The following DNAJC21 variants were observed in gnomAD, a reference collection of about 807,000 sequenced individuals.
The protein encoded by DNAJC21 is dnaJ homolog subfamily C member 21.
In DNAJC21, 63 loss-of-function variants were observed where a neutral mutation model predicts 72.4. The ratio of observed to expected loss-of-function variants is 0.87; its 90% CI spans 0.71 to 1.07. The LOEUF is 1.07. Among genes scored for constraint, DNAJC21 ranks in the 50% least tolerant of loss-of-function variants. The pLI is 0.00. For synonymous variants in DNAJC21, 203 were observed against 216.7 expected (o/e 0.94, Z 0.56); for missense variants, 634 against 644.8 (o/e 0.98, Z 0.18).
chr5:34,950,948 A>G (rs1765344274), intron 10 of DNAJC21: 1 of 983,672 alleles, frequency 1.0e-6, no homozygotes, highest in Non-Finnish European at 1.2e-6. Context: ...ATCATTTCTT[A>G]TTTCTTGAGG....
At chr5:34,952,108 G>A in intron 10 of DNAJC21, 4 of 982,078 alleles carry the variant, frequency 4.1e-6, no homozygotes, top group Non-Finnish European at 4.8e-6. Context: ...CTACTGAGAA[G>A]TGTTTTTTTA....
chr5:34,943,381 C>T lies in DNAJC21; in HGVS notation c.984-1486C>T, dbSNP rs75025714. Among the ~76,000 whole-genome samples the T allele has an allele frequency of 2.4e-3, 366 of 152,176 alleles. 2 individuals are homozygous for T. The highest frequency in any genetic ancestry group is 8.5e-3 in the African/African-American group (353 of 41,510). ...ATGATTAGATTCAGGTTATGCAGCC[C>T]CAGGAGGGACGCCGCACAAGCATGT... On this transcript the variant is annotated intron_variant, in intron 7 of 11. Coordinates refer to ENST00000648817, the MANE Select transcript of DNAJC21 (RefSeq NM_001012339.3).
chr5:34,935,747 T>A lies in DNAJC21; in HGVS notation c.229T>A (p.Phe77Ile). The A allele has an allele frequency of 1.2e-6, 2 of 1,614,036 alleles. No individual in the cohort carries two copies. Among genetic ancestry groups the A allele is most frequent in the South Asian group, 1.1e-5 (1 of 91,078 alleles). ...NHREALLKGG[F>I]DGEYQDDSLD... ...TAGAGAGGCCCTACTTAAAGGTGGG[T>A]TTGATGGCGAATATCAAGATGACAG... Residue 77 changes from phenylalanine to isoleucine, a missense_variant, in exon 3 of 12, where the codon TTT becomes ATT. Phe to Ile is a conservative substitution (Grantham distance 21). Transcript: ENST00000648817.
rs1475987231 is a variant in DNAJC21, at chr5:34,956,135, C to CTTTCCATA, written c.*1423_*1430dup. 5.9e-5 allele frequency: 9 copies of CTTTCCATA among 151,320 alleles called. No homozygotes were observed. The East Asian group carries it at 1.8e-3, about 29-fold the overall frequency. 9.4% of individuals were successfully genotyped at this position (151,320 alleles called of 1,614,324 possible). On this transcript the variant is annotated 3_prime_UTR_variant, in exon 12 of 12. Transcript: ENST00000648817. ...TGCTTTCTGTACAATGAAGTTATTG[C>CTTTCCATA]TTTCCATATATCCTTGAATCTTCAG...
Position 34,954,862 on chromosome 5 carries a change from G to T in DNAJC21, c.*148G>T. The T allele has an allele frequency of 1.1e-6, 1 of 941,902 alleles. No individual in the cohort carries two copies. Among genetic ancestry groups the T allele is most frequent in the Admixed American group, 3.7e-5 (1 of 27,144 alleles). 58.3% of individuals were successfully genotyped at this position (941,902 alleles called of 1,614,324 possible). On this transcript the variant is annotated 3_prime_UTR_variant, in exon 12 of 12. Coordinates refer to ENST00000648817, the MANE Select transcript of DNAJC21 (RefSeq NM_001012339.3). ...TTTATCTTGTAAAAACACTTTTTTG[G>T]TTTAATATATATTTTTAAAACATTT... is the stretch of plus-strand genomic sequence containing the variant.
At chr5:34,933,975 T>C in intron 2 of DNAJC21, 67 bp downstream of exon 2, 1 of 1,441,624 alleles carries the variant, frequency 6.9e-7, no homozygotes, top group Non-Finnish European at 9.5e-7. Context: ...TATAGGTGGT[T>C]GTTTTTTCAA....
At chr5:34,946,692 C>T (rs1765184228) in intron 9 of DNAJC21, among the ~76,000 whole-genome samples, 2 of 152,078 alleles carry the variant, frequency 1.3e-5, no homozygotes, top group African/African-American at 4.8e-5. Flanking sequence ...TGACATCTAC[C>T]ATCATCCATC....
intron 10 of DNAJC21, chr5:34,951,824 T>C: frequency 1.0e-6 from 1 of 985,544 alleles, no homozygotes; most frequent in Non-Finnish European, 1.2e-6. Context: ...GTGTCTGGCC[T>C]CCATGTTACT....
At position 34,957,031 on chromosome 5, in the gene DNAJC21, A is replaced by G. The variant is rs1472239514; in HGVS notation, c.*2317A>G. ...AATCTTTTTTAGTTTATATATTTGCAGACTATACATGTTGGATTAAATGGG... is the reference window on the plus strand; with the variant it reads ...AATCTTTTTTAGTTTATATATTTGCGGACTATACATGTTGGATTAAATGGG... On this transcript the variant is annotated 3_prime_UTR_variant, in exon 12 of 12. Transcript: ENST00000648817. 6 of 152,196 alleles carry G rather than the reference A, an allele frequency of 3.9e-5. No homozygotes were observed. Among genetic ancestry groups the G allele is most frequent in the African/African-American group, 1.4e-4 (6 of 41,454 alleles). The allele number at this position is 152,196 out of a possible 1,614,324, so 9.4% of individuals were successfully genotyped here. A position where few individuals can be genotyped will look rare whatever the true frequency, so the allele number is the denominator to read the frequency against.
chr5:34,933,896 A>G lies in DNAJC21; in HGVS notation c.179A>G (p.Gln60Arg). Residue 60 changes from glutamine to arginine, a missense_variant, in exon 2 of 12, where the codon CAG becomes CGG. Coordinates refer to ENST00000648817, the MANE Select transcript of DNAJC21 (RefSeq NM_001012339.3). ...QAAYDVLSDP[Q>R]ERAWYDNHRE... ...GCATATGATGTGTTGAGTGACCCTC[A>G]GGAAAGAGCATGGTGAGCATCACGC... is the stretch of plus-strand genomic sequence containing the variant. 1.2e-6 allele frequency: 2 copies of G among 1,613,806 alleles called. No homozygotes were observed. Among genetic ancestry groups the G allele is most frequent in the Non-Finnish European group, 8.5e-7 (1 of 1,179,848 alleles).
chr5:34,954,586 G>A lies in DNAJC21; in HGVS notation c.1468G>A (p.Glu490Lys), dbSNP rs368319540. Residue 490 changes from glutamate to lysine, a missense_variant, in exon 12 of 12, where the codon GAA becomes AAA. Physicochemically the swap from Glu to Lys is moderately conservative, Grantham distance 56. Transcript: ENST00000648817. ...VLISCTTCHS[E>K]FPSRNKLFDH... The stretch of plus-strand genomic sequence containing the variant: ...TATCAGCTGTACAACCTGCCATAGT[G>A]AATTTCCATCTCGGAATAAACTTTT... The A allele has an allele frequency of 4.3e-6, 7 of 1,612,842 alleles. No homozygotes were observed. In the African/African-American group the frequency reaches 5.3e-5, roughly 12 times the overall value.
chr5:34,944,174 G>A (rs904954473), intron 7 of DNAJC21, among the ~76,000 whole-genome samples: 1 of 152,206 alleles, frequency 6.6e-6, no homozygotes, highest in Admixed American at 6.5e-5. Flanking sequence ...CTGTAGGTGT[G>A]CTGAGACAGA....
At position 34,929,930 on chromosome 5, in the gene DNAJC21, C is replaced by A. The variant is rs2112005527; in HGVS notation, c.97+14C>A. The A allele has an allele frequency of 6.5e-7, 1 of 1,549,178 alleles. No homozygotes were observed. The highest frequency in any genetic ancestry group is 8.7e-7 in the Non-Finnish European group (1 of 1,144,826). ...AATGGCACCCGGGTAAGTACCTGTC[C>A]CGCAGCCCCCGCGGCCACTCGGAGA... On this transcript the variant is annotated intron_variant, in intron 1 of 11. Transcript: ENST00000648817.
At chr5:34,952,028 C>T in intron 10 of DNAJC21, 1 of 985,346 alleles carries the variant, frequency 1.0e-6, no homozygotes, top group Non-Finnish European at 1.2e-6. Flanking sequence ...CTCTGCTGTC[C>T]CCTGGATCCA....
At chr5:34,949,567 C>T in intron 9 of DNAJC21, 6 of 1,562,184 alleles carry the variant, frequency 3.8e-6, no homozygotes, top group Non-Finnish European at 5.2e-6. Context: ...AGATTCATAT[C>T]TGCCTGCAGC....
intron 5 of DNAJC21, among the ~76,000 whole-genome samples, chr5:34,938,078 A>G (rs1764855053): frequency 6.6e-6 from 1 of 152,202 alleles, no homozygotes; most frequent in Admixed American, 6.5e-5. Context: ...AATTACAGGT[A>G]TGAGCCACAG....
chr5:34,929,764 G>C lies in DNAJC21; in HGVS notation c.-56G>C, dbSNP rs426974. On this transcript the variant is annotated 5_prime_UTR_variant, in exon 1 of 12. Coordinates refer to ENST00000648817, the MANE Select transcript of DNAJC21 (RefSeq NM_001012339.3). The stretch of plus-strand genomic sequence containing the variant: ...CGCCGCCGCCGCCGCTTCGGCCCGG[G>C]CCCGGGCCCCGACCCCGTCCCGGGC... 1.0e-6 allele frequency: 1 copy of C among 974,960 alleles called. No individual in the cohort carries two copies. The highest frequency in any genetic ancestry group is 1.3e-6 in the Non-Finnish European group (1 of 796,328). The allele number at this position is 974,960 out of a possible 1,614,324, so 60.4% of individuals were successfully genotyped here. A position where few individuals can be genotyped will look rare whatever the true frequency, so the allele number is the denominator to read the frequency against.
In DNAJC21 at chr5:34,941,560, C is replaced by CTTTTTTTTTTT. The variant is rs765889955; in HGVS notation, c.983+390_983+400dup. ...TTTAGTATCTCTGAACTTGTGTTTT[C>CTTTTTTTTTTT]TTTTTTTTTTTTTTTTTTTTTTTGG... On this transcript the variant is annotated intron_variant, in intron 7 of 11. Transcript: ENST00000648817. Among the ~76,000 whole-genome samples, 33 of 76,082 alleles carry CTTTTTTTTTTT rather than the reference C, an allele frequency of 4.3e-4. 1 individual carries two copies. The highest frequency in any genetic ancestry group is 6.0e-4 in the Non-Finnish European group (25 of 42,004). The allele number at this position is 76,082 out of a possible 152,430, so 49.9% of individuals were successfully genotyped here.
At chr5:34,938,728 G>C in intron 5 of DNAJC21, 130 bp from the exon 6 acceptor site, 1 of 1,021,820 alleles carries the variant, frequency 9.8e-7, no homozygotes, top group Non-Finnish European at 1.3e-6. Flanking sequence ...CTAAGCACAG[G>C]TTTTAAGTTT....
Sources: gnomAD v4.1 joint callset for allele counts (sites outside exome capture counted in the v4.1 genomes callset) on GRCh38, gnomAD v4.1.1 for gene constraint, MANE v1.5 for transcripts, NCBI Gene and HGNC (gene_info 2026-07-23, HGNC 2026-07-21) for gene names.